The following DMPK variants were observed in gnomAD, a reference collection of about 807,000 sequenced individuals.
DMPK encodes the protein DM1 protein kinase.
Under a neutral mutation model 70.3 loss-of-function variants are expected in DMPK, and 32 were observed. The observed-to-expected ratio is 0.46, with a 90% CI of 0.34 to 0.61. The LOEUF (loss-of-function observed/expected upper bound fraction) is 0.61, where lower values mean the gene tolerates loss of function less well. Among genes scored for constraint, DMPK ranks in the 20% least tolerant of loss-of-function variants. The probability of loss-of-function intolerance (pLI) is 0.01; values close to 1 mark genes in which losing one functional copy is unlikely to be tolerated. For synonymous variants in DMPK, 469 were observed against 390.9 expected, an observed-to-expected ratio of 1.20 and a Z score of -2.36; for missense variants, 899 against 886.0, an observed-to-expected ratio of 1.01 and a Z score of -0.19.
chr19:45,770,885 C>T, intron 14 of DMPK, 86 bp downstream of exon 14: 1 of 1,141,956 alleles, frequency 8.8e-7, no homozygotes, highest in East Asian at 2.8e-5. Context: ...GGGCCCAGCC[C>T]CGCAAATGCG....
At chr19:45,772,519 G>T (rs1236606144) in intron 10 of DMPK, 122 bp downstream of exon 10, 10 of 588,538 alleles carry the variant, frequency 1.7e-5, no homozygotes, top group Non-Finnish European at 2.6e-5. Context: ...GTCTCTCCGT[G>T]GTTTCTGTCT....
At chr19:45,772,467 C>T (rs1969521008) in intron 10 of DMPK, 174 bp downstream of exon 10, 2 of 506,490 alleles carry the variant, frequency 3.9e-6, no homozygotes, top group Non-Finnish European at 6.9e-6. Context: ...ACTTAATGCC[C>T]CACTGTAACT....
At chr19:45,776,373 G>A (rs572344877) in intron 8 of DMPK, among the ~76,000 whole-genome samples, 1 of 149,488 alleles carries the variant, frequency 6.7e-6, no homozygotes, top group Admixed American at 6.7e-5. Flanking sequence ...TCGATCTCCT[G>A]ACCTCGTGAT....
chr19:45,777,071 A>G lies in DMPK; in HGVS notation c.1146+256T>C. Reference sequence around the variant, plus strand: ...CCAGGACCTTCCTTGCTGAGTCAGGAGTCCCCCACCCCCTGCACTCCATTG... The same window carrying G: ...CCAGGACCTTCCTTGCTGAGTCAGGGGTCCCCCACCCCCTGCACTCCATTG... On this transcript the variant is annotated intron_variant, in intron 8 of 14. Coordinates refer to ENST00000291270, the MANE Select transcript of DMPK (RefSeq NM_004409.5). This position sits in a 1 kb window ranked among gnomAD's most constrained non-coding sequence, Gnocchi z 6.7. 2.2e-6 allele frequency: 1 copy of G among 458,666 alleles called. No individual in the cohort carries two copies. Among genetic ancestry groups the G allele is most frequent in the Non-Finnish European group, 3.7e-6 (1 of 269,040 alleles). The allele number at this position is 458,666 out of a possible 1,614,324, so 28.4% of individuals were successfully genotyped here. A position where few individuals can be genotyped will look rare whatever the true frequency, so the allele number is the denominator to read the frequency against.
Position 45,769,829 on chromosome 19 carries a change from T to G in DMPK, c.*659A>C. ...GGTCTCAGTGCATCCAAAACGTGGATTGGGGTTGTTGGGGGTCCTGTAGCC... is the reference window on the plus strand; with the variant it reads ...GGTCTCAGTGCATCCAAAACGTGGAGTGGGGTTGTTGGGGGTCCTGTAGCC... On this transcript the variant is annotated 3_prime_UTR_variant, in exon 15 of 15. Coordinates refer to ENST00000291270, the MANE Select transcript of DMPK (RefSeq NM_004409.5). 1 of 215,616 alleles carries G rather than the reference T, an allele frequency of 4.6e-6. No homozygotes were observed. Among genetic ancestry groups the G allele is most frequent in the East Asian group, 1.4e-4 (1 of 7,358 alleles). 13.4% of individuals were successfully genotyped at this position (215,616 alleles called of 1,614,324 possible). A position where few individuals can be genotyped will look rare whatever the true frequency, so the allele number is the denominator to read the frequency against.
At position 45,779,254 on chromosome 19, in the gene DMPK, C is replaced by T. The variant is rs779481949; in HGVS notation, c.432+10G>A. On this transcript the variant is annotated intron_variant, in intron 4 of 14. Transcript: ENST00000291270. ...GTCCCTCTTCCTAGTCACCCCGGCCCGGAGCTCACCAGGTAGTTCTCATCC... is the reference window on the plus strand; with the variant it reads ...GTCCCTCTTCCTAGTCACCCCGGCCTGGAGCTCACCAGGTAGTTCTCATCC... The T allele has an allele frequency of 1.5e-5, 25 of 1,613,564 alleles. No individual in the cohort carries two copies. Among genetic ancestry groups the T allele is most frequent in the South Asian group, 5.5e-5 (5 of 91,084 alleles).
chr19:45,778,886 C>A, intron 4 of DMPK: 2 of 571,160 alleles, frequency 3.5e-6, no homozygotes, highest in South Asian at 4.6e-5. Context: ...ATTCACTCCC[C>A]CTGAGATGTT....
intron 14 of DMPK, 84 bp from the exon 15 acceptor site, chr19:45,770,724 C>A: frequency 7.0e-7 from 1 of 1,434,488 alleles, no homozygotes; most frequent in Admixed American, 2.3e-5. Context: ...CATAGGTGGG[C>A]CCGCACTCTT....
intron 4 of DMPK, 88 bp from the exon 5 acceptor site, chr19:45,778,729 C>T: frequency 1.4e-6 from 2 of 1,405,656 alleles, no homozygotes; most frequent in Non-Finnish European, 1.9e-6. Context: ...CCAGAGACAC[C>T]CCATCCTTGG....
At chr19:45,771,151 A>G in intron 13 of DMPK, 91 bp from the exon 14 acceptor site, 1 of 1,207,548 alleles carries the variant, frequency 8.3e-7, no homozygotes, top group Non-Finnish European at 1.2e-6. Context: ...GAGGTTGGGG[A>G]GGTTATCTAG....
At position 45,778,513 on chromosome 19, in the gene DMPK, G is replaced by A. The variant is rs1370872067; in HGVS notation, c.561C>T (p.His187=). Residue 187 remains histidine, a synonymous_variant, in exon 5 of 15, where the codon CAC becomes CAT. Transcript: ENST00000291270. The stretch of plus-strand genomic sequence containing the variant: ...CCCACCTGTGCACGTAGCCAAGCCG[G>A]TGCACCGAGTCTATGGCCATGACAA... ...AEIVMAIDSV[H]RLGYVHRDIK... is the part of the protein sequence containing the mutation. 2.5e-6 allele frequency: 4 copies of A among 1,613,764 alleles called. No individual in the cohort carries two copies. The highest frequency in any genetic ancestry group is 2.7e-5 in the African/African-American group (2 of 75,040).
intron 8 of DMPK, chr19:45,776,808 C>CA (rs1209542492): frequency 6.5e-6 from 1 of 153,472 alleles, no homozygotes; most frequent in East Asian, 1.9e-4. Context: ...GCACCTGCCA[C>CA]ACTCTCCATA....
At chr19:45,774,923 T>A in intron 9 of DMPK, 26 bp downstream of exon 9, 1 of 1,601,796 alleles carries the variant, frequency 6.2e-7, no homozygotes, top group African/African-American at 1.3e-5. Flanking sequence ...TCGTGGCCCC[T>A]GGAGGCCGTC....
Position 45,777,460 on chromosome 19 carries a change from A to G in DMPK, c.1013T>C (p.Phe338Ser), listed in dbSNP as rs770590594. Residue 338 changes from phenylalanine to serine, a missense_variant, in exon 8 of 15, where the codon TTC becomes TCC. By Grantham distance (155) the Phe-to-Ser change is radical. This residue lies in a region of DMPK where 555 missense variants were observed against 483.8 expected (regional missense o/e 1.15). Transcript: ENST00000291270. This position sits in a 1 kb window ranked among gnomAD's most constrained non-coding sequence, Gnocchi z 6.7. Reference protein sequence around the residue: ...GGAGDFRTHPFFFGLDWDGLR... With the variant: ...GGAGDFRTHPSFFGLDWDGLR... Reference sequence around the variant, plus strand: ...ACCATCCCAGTCGAGGCCAAAGAAGAAGGGATGTGTCCGGAAGTCGCCTGC... The same window carrying G: ...ACCATCCCAGTCGAGGCCAAAGAAGGAGGGATGTGTCCGGAAGTCGCCTGC... 6.2e-7 allele frequency: 1 copy of G among 1,613,418 alleles called. No individual in the cohort carries two copies. The highest frequency in any genetic ancestry group is 8.5e-7 in the Non-Finnish European group (1 of 1,180,020).
chr19:45,778,219 C>A lies in DMPK; in HGVS notation c.583G>T (p.Asp195Tyr). The change falls in exon 6 of 15, where the codon GAC becomes TAC. Residue 195 changes from aspartate to tyrosine, a missense_variant and splice_region_variant. Coordinates refer to ENST00000291270, the MANE Select transcript of DMPK (RefSeq NM_004409.5). ...AGCAGGATGTTGTCGGGTTTGATGTCCCTGCACGGAGGAAAAGAGAAGGGT... is the reference window on the plus strand; with the variant it reads ...AGCAGGATGTTGTCGGGTTTGATGTACCTGCACGGAGGAAAAGAGAAGGGT... ...SVHRLGYVHRDIKPDNILLDR... is the reference protein window; with the variant it reads ...SVHRLGYVHRYIKPDNILLDR... 1.2e-6 allele frequency: 2 copies of A among 1,612,938 alleles called. No homozygotes were observed. Among genetic ancestry groups the A allele is most frequent in the Admixed American group, 1.7e-5 (1 of 59,922 alleles).
At chr19:45,770,912 A>ACGGGGCGGGTGG in intron 14 of DMPK, 59 bp downstream of exon 14, 2 of 1,252,728 alleles carry the variant, frequency 1.6e-6, no homozygotes, top group Non-Finnish European at 2.1e-6. Flanking sequence ...AGCGGGTGGC[A>ACGGGGCGGGTGG]AGGGGCGGGT....
In DMPK at chr19:45,777,590, C is replaced by A; in HGVS notation, c.883G>T (p.Glu295Ter). 1 of 1,613,220 alleles carries A rather than the reference C, an allele frequency of 6.2e-7. No individual in the cohort carries two copies. ...ETYGKIVHYK[E>*]HLSLPLVDEG... ...TCCACCAGCGGCAGAGAGAGGTGCTCCTGCTCAGAGGGAGAGGAGGCGATA... is the reference window on the plus strand; with the variant it reads ...TCCACCAGCGGCAGAGAGAGGTGCTACTGCTCAGAGGGAGAGGAGGCGATA... Residue 295 changes from glutamate (E) to a stop codon, truncating the protein, a stop_gained and splice_region_variant, in exon 8 of 15, where the codon GAG becomes TAG. Transcript: ENST00000291270. LOFTEE classifies it high-confidence loss of function. This position sits in a 1 kb window ranked among gnomAD's most constrained non-coding sequence, Gnocchi z 6.7.
Position 45,778,570 on chromosome 19 carries a change from C to T in DMPK, c.504G>A (p.Pro168=), listed in dbSNP as rs34510782. The change falls in exon 5 of 15, where the codon CCG becomes CCA. Residue 168 remains proline (P), a synonymous_variant. Transcript: ENST00000291270. ...TLLSKFGERI[P]AEMARFYLAE... is the part of the protein sequence containing the mutation. ...CCAGGTAGAAGCGCGCCATCTCGGC[C>T]GGAATCCGCTCCCCAAACTTGCTCA... 6.0e-3 allele frequency: 9,617 copies of T among 1,613,950 alleles called. 462 individuals are homozygous for T. In the African/African-American group the frequency reaches 0.11, roughly 18 times the overall value.
At chr19:45,772,890 G>A (rs1040127898) in intron 9 of DMPK, 138 bp from the exon 10 acceptor site, 2 of 508,522 alleles carry the variant, frequency 3.9e-6, no homozygotes, top group Admixed American at 4.4e-5. Flanking sequence ...AGAGCGAAGA[G>A]AACAGAGTCC....
Sources: allele counts gnomAD v4.1 joint callset (sites outside exome capture counted in the v4.1 genomes callset), GRCh38; gene constraint gnomAD v4.1.1; regional missense constraint gnomAD v4.1.1; non-coding constraint Gnocchi (gnomAD v3.1); transcripts MANE v1.5; gene names NCBI Gene and HGNC (gene_info 2026-07-23, HGNC 2026-07-21).